Variants in TRAPPC12 observed in about 807,000 individuals in gnomAD.
TRAPPC12 encodes the protein TPR repeat protein 15.
In TRAPPC12, 61 loss-of-function variants were observed where a neutral mutation model predicts 69.2. The ratio of observed to expected loss-of-function variants is 0.88; its 90% CI spans 0.72 to 1.09. The LOEUF (loss-of-function observed/expected upper bound fraction) is 1.09. TRAPPC12 is among the 50% of genes least tolerant of loss of function. The pLI, the probability that TRAPPC12 is intolerant of heterozygous loss-of-function variation, is 0.00. For missense variants in TRAPPC12, 1,101 were observed against 1,016.4 expected (o/e 1.08, Z -1.13); for synonymous variants, 469 against 438.9 (o/e 1.07, Z -0.86).
At chr2:3,412,191 C>G (rs900053515) in intron 3 of TRAPPC12, among the ~76,000 whole-genome samples, 1 of 152,170 alleles carries the variant, frequency 6.6e-6, no homozygotes, top group African/African-American at 2.4e-5. Flanking sequence ...GATGCGGCCA[C>G]TGCCCCAAGG....
chr2:3,461,021 G>A (rs778376972), intron 8 of TRAPPC12: 7 of 152,376 alleles, frequency 4.6e-5, no homozygotes, highest in Non-Finnish European at 8.8e-5. Context: ...CTAGCAGCAG[G>A]CGCTCCGGAG....
At chr2:3,410,402 T>G (rs1661993789) in intron 3 of TRAPPC12, among the ~76,000 whole-genome samples, 1 of 152,222 alleles carries the variant, frequency 6.6e-6, no homozygotes, top group Non-Finnish European at 1.5e-5. Flanking sequence ...TTATTTTTAA[T>G]AGTTGTGATC....
chr2:3,397,236 A>C (rs1661186741), intron 2 of TRAPPC12, among the ~76,000 whole-genome samples: 1 of 152,104 alleles, frequency 6.6e-6, no homozygotes, highest in African/African-American at 2.4e-5. Flanking sequence ...ATTTAGTTTC[A>C]TGTTTGTTTT....
chr2:3,445,763 T>A (rs1383756486), intron 6 of TRAPPC12, among the ~76,000 whole-genome samples: 1 of 152,242 alleles, frequency 6.6e-6, no homozygotes, highest in African/African-American at 2.4e-5. Flanking sequence ...ACATGTCCCG[T>A]TTGAAGACAG....
At chr2:3,448,395 A>G (rs1664632414) in intron 6 of TRAPPC12, among the ~76,000 whole-genome samples, 1 of 152,142 alleles carries the variant, frequency 6.6e-6, no homozygotes, top group Non-Finnish European at 1.5e-5. Flanking sequence ...CGTCACTTGA[A>G]CAGTTCCAGA....
chr2:3,423,705 C>T (rs1031991656), intron 4 of TRAPPC12, among the ~76,000 whole-genome samples: 4 of 152,200 alleles, frequency 2.6e-5, no homozygotes, highest in East Asian at 1.9e-4. Flanking sequence ...TTCCACTGTG[C>T]GTCATGCCAC....
intron 9 of TRAPPC12, among the ~76,000 whole-genome samples, chr2:3,468,193 C>A (rs956052163): frequency 6.6e-6 from 1 of 152,052 alleles, no homozygotes; most frequent in African/African-American, 2.4e-5. Flanking sequence ...ACTCCCTTCT[C>A]TTTCTGCTTG....
chr2:3,410,021 G>GAA (rs1661968738), intron 3 of TRAPPC12, among the ~76,000 whole-genome samples: 1 of 152,152 alleles, frequency 6.6e-6, no homozygotes, highest in Admixed American at 6.5e-5. Context: ...GATGCAGGTG[G>GAA]AAAGGGCTGC....
intron 5 of TRAPPC12, among the ~76,000 whole-genome samples, chr2:3,425,013 A>T (rs1224045920): frequency 6.7e-6 from 1 of 148,348 alleles, no homozygotes; most frequent in Non-Finnish European, 1.5e-5. Flanking sequence ...AGAGATGCAG[A>T]GCGGTGGAAC....
intron 6 of TRAPPC12, among the ~76,000 whole-genome samples, chr2:3,450,651 CTT>C (rs1664805599): frequency 1.3e-5 from 2 of 152,318 alleles, no homozygotes; most frequent in African/African-American, 4.8e-5. Context: ...CAAGAAGACT[CTT>C]TTACTTTGAA....
chr2:3,470,336 A>G (rs1666007361), intron 9 of TRAPPC12, among the ~76,000 whole-genome samples: 2 of 152,386 alleles, frequency 1.3e-5, no homozygotes, highest in South Asian at 4.1e-4. Flanking sequence ...CCACGCCAAA[A>G]GGCCATTCTT....
intron 5 of TRAPPC12, among the ~76,000 whole-genome samples, chr2:3,430,917 A>G (rs1558377444): frequency 6.6e-6 from 1 of 151,562 alleles, no homozygotes; most frequent in Non-Finnish European, 1.5e-5. Flanking sequence ...GGGACCGTCC[A>G]CTGGGTGTGG....
At chr2:3,419,490 G>T (rs1662651186) in intron 3 of TRAPPC12, among the ~76,000 whole-genome samples, 1 of 152,146 alleles carries the variant, frequency 6.6e-6, no homozygotes, top group African/African-American at 2.4e-5. Flanking sequence ...TGTATTACTT[G>T]CTGTAGTCTG....
At chr2:3,439,491 C>T (rs1047381716) in intron 5 of TRAPPC12, among the ~76,000 whole-genome samples, 5 of 151,958 alleles carry the variant, frequency 3.3e-5, no homozygotes, top group Non-Finnish European at 7.4e-5. Context: ...GCGATCAGCT[C>T]GCCTCAGCCT....
intron 7 of TRAPPC12, chr2:3,458,128 C>G: frequency 9.8e-7 from 1 of 1,024,118 alleles, no homozygotes; most frequent in South Asian, 3.8e-5. Context: ...GAGGAAGGCC[C>G]AGAGCCTGGG....
intron 5 of TRAPPC12, among the ~76,000 whole-genome samples, chr2:3,427,913 G>A (rs558460902): frequency 1.3e-5 from 2 of 151,746 alleles, no homozygotes; most frequent in South Asian, 2.1e-4. Context: ...AAAAACTCCA[G>A]CTCCCATTGG....
At chr2:3,475,517 T>G (rs1480246253) in intron 9 of TRAPPC12, among the ~76,000 whole-genome samples, 1 of 151,710 alleles carries the variant, frequency 6.6e-6, no homozygotes, top group Non-Finnish European at 1.5e-5. Context: ...TGCTCCTAAC[T>G]TTTAGAAATC....
intron 2 of TRAPPC12, among the ~76,000 whole-genome samples, chr2:3,399,979 G>A (rs1357889895): frequency 1.3e-5 from 2 of 152,222 alleles, no homozygotes; most frequent in African/African-American, 4.8e-5. Flanking sequence ...TCTGTGGCTG[G>A]GAGGCAGCTT....
chr2:3,440,867 G>C (rs936750247), intron 5 of TRAPPC12, among the ~76,000 whole-genome samples: 1 of 152,130 alleles, frequency 6.6e-6, no homozygotes, highest in Non-Finnish European at 1.5e-5. Flanking sequence ...TTTTTATCAC[G>C]AGCTGGTGCT....
Sources: allele counts gnomAD v4.1 joint callset (sites outside exome capture counted in the v4.1 genomes callset), GRCh38; gene constraint gnomAD v4.1.1; transcripts MANE v1.5; gene names NCBI Gene and HGNC (gene_info 2026-07-23, HGNC 2026-07-21).